CCSER1: variants seen among roughly 807,000 people sequenced by gnomAD.
CCSER1 encodes the protein serine-rich coiled-coil domain-containing protein 1.
A neutral mutation model predicts 82.0 loss-of-function variants in CCSER1; 41 were observed. The ratio of observed to expected loss-of-function variants is 0.50; its 90% confidence interval spans 0.39 to 0.65. The LOEUF is 0.65. Ranked by LOEUF, CCSER1 falls within the 30% of genes least tolerant of loss-of-function variation. CCSER1 has a pLI of 0.00. For missense variants in CCSER1, 1,119 were observed against 1,064.2 expected (o/e 1.05, Z -0.72); for synonymous variants, 414 against 383.9 (o/e 1.08, Z -0.92).
intron 6 of CCSER1, among the ~76,000 whole-genome samples, chr4:90,674,743 G>A (rs1439403092): frequency 6.6e-6 from 1 of 151,490 alleles, no homozygotes; most frequent in Non-Finnish European, 1.5e-5. Flanking sequence ...TCTCTTTCAG[G>A]CTTCTCTCCT....
chr4:90,381,031 C>T (rs1749126238), intron 3 of CCSER1, among the ~76,000 whole-genome samples: 1 of 152,154 alleles, frequency 6.6e-6, no homozygotes, highest in Non-Finnish European at 1.5e-5. Flanking sequence ...GGAGTGCTGG[C>T]CCAGCCAGTG....
At chr4:91,211,013 T>G (rs1420641242) in intron 10 of CCSER1, among the ~76,000 whole-genome samples, 1 of 152,030 alleles carries the variant, frequency 6.6e-6, no homozygotes, top group East Asian at 1.9e-4. Context: ...AGATTTTATG[T>G]AAGTTTAAGT....
intron 4 of CCSER1, among the ~76,000 whole-genome samples, chr4:90,425,036 T>G (rs1254289284): frequency 6.6e-6 from 1 of 152,216 alleles, no homozygotes. Flanking sequence ...TAACTAACTT[T>G]ATGTGATCCA....
chr4:90,896,951 A>G (rs1206957787), intron 8 of CCSER1, among the ~76,000 whole-genome samples: 1 of 152,010 alleles, frequency 6.6e-6, no homozygotes, highest in East Asian at 1.9e-4. Flanking sequence ...AATGGTACAT[A>G]ACCATTACAG....
chr4:91,022,947 C>T (rs1740139386), intron 9 of CCSER1, among the ~76,000 whole-genome samples: 1 of 152,040 alleles, frequency 6.6e-6, no homozygotes. Flanking sequence ...AAATTTTCTC[C>T]CATTCTGTAG....
chr4:90,395,353 TGC>T (rs1191995464), intron 3 of CCSER1, among the ~76,000 whole-genome samples: 56 of 152,382 alleles, frequency 3.7e-4, no homozygotes, highest in African/African-American at 1.2e-3. Context: ...AATGTATTAA[TGC>T]TAGGCATTTA....
intron 1 of CCSER1, among the ~76,000 whole-genome samples, chr4:90,261,029 G>T (rs1201123800): frequency 6.6e-6 from 1 of 152,096 alleles, no homozygotes; most frequent in Admixed American, 6.6e-5. Flanking sequence ...TGTTGGTTTT[G>T]TTAAACCCAT....
At chr4:90,853,079 A>C (rs1016385656) in intron 8 of CCSER1, among the ~76,000 whole-genome samples, 1 of 152,114 alleles carries the variant, frequency 6.6e-6, no homozygotes, top group Non-Finnish European at 1.5e-5. Flanking sequence ...ATAGTATCAA[A>C]ACAACAGCAA....
At chr4:91,570,043 C>T (rs1179200907) in intron 10 of CCSER1, among the ~76,000 whole-genome samples, 3 of 152,180 alleles carry the variant, frequency 2.0e-5, no homozygotes, top group Admixed American at 6.5e-5. Context: ...CAAAGGGACT[C>T]CAGGCCCCAT....
At chr4:90,208,363 C>T (rs2153412225) in intron 1 of CCSER1, among the ~76,000 whole-genome samples, 1 of 152,302 alleles carries the variant, frequency 6.6e-6, no homozygotes, top group Non-Finnish European at 1.5e-5. Context: ...CAACCAAGCT[C>T]AAGTGTCCCA....
chr4:91,308,410 A>G (rs575126554), intron 10 of CCSER1, among the ~76,000 whole-genome samples: 2 of 152,086 alleles, frequency 1.3e-5, no homozygotes, highest in South Asian at 2.1e-4. Context: ...GTTATAATGG[A>G]CCTCATAAAC....
intron 6 of CCSER1, among the ~76,000 whole-genome samples, chr4:90,720,169 C>T (rs1742419880): frequency 6.6e-6 from 1 of 151,750 alleles, no homozygotes. Context: ...TTTTTGAGTA[C>T]TTCCTTGCTT....
chr4:90,417,805 G>A (rs1387433074), intron 4 of CCSER1, among the ~76,000 whole-genome samples: 1 of 152,080 alleles, frequency 6.6e-6, no homozygotes, highest in African/African-American at 2.4e-5. Context: ...ATGAATAATA[G>A]TACAGCAGAG....
At chr4:90,795,891 T>C (rs1755934487) in intron 7 of CCSER1, among the ~76,000 whole-genome samples, 1 of 151,732 alleles carries the variant, frequency 6.6e-6, no homozygotes, top group Admixed American at 6.6e-5. Flanking sequence ...GCTGGATTTG[T>C]TTTGCCAGTA....
chr4:91,298,988 T>C (rs1167237361), intron 10 of CCSER1, among the ~76,000 whole-genome samples: 1 of 151,878 alleles, frequency 6.6e-6, no homozygotes, highest in African/African-American at 2.4e-5. Flanking sequence ...GAAAGGCAAA[T>C]ACTTTGGACC....
chr4:91,214,023 TG>T (rs1464761359), intron 10 of CCSER1, among the ~76,000 whole-genome samples: 139 of 152,108 alleles, frequency 9.1e-4, no homozygotes, highest in Non-Finnish European at 1.1e-3. Flanking sequence ...ACCTTATATG[TG>T]GGTTGAATAG....
At chr4:90,451,537 G>A (rs1054721828) in intron 4 of CCSER1, among the ~76,000 whole-genome samples, 3 of 152,182 alleles carry the variant, frequency 2.0e-5, no homozygotes, top group Non-Finnish European at 4.4e-5. Context: ...CTTTATCAAG[G>A]TGAAAGGCTT....
At chr4:90,136,351 A>C (rs1578140102) in intron 1 of CCSER1, among the ~76,000 whole-genome samples, 1 of 152,080 alleles carries the variant, frequency 6.6e-6, no homozygotes, top group African/African-American at 2.4e-5. Context: ...CCCTGTCTCT[A>C]AAAAAGAAAA....
chr4:90,226,842 C>T (rs1399550530), intron 1 of CCSER1, among the ~76,000 whole-genome samples: 1 of 152,178 alleles, frequency 6.6e-6, no homozygotes, highest in Non-Finnish European at 1.5e-5. Context: ...TAAGGTCATA[C>T]TTTTCCAGAT....
Sources: allele counts gnomAD v4.1 joint callset (sites outside exome capture counted in the v4.1 genomes callset), GRCh38; gene constraint gnomAD v4.1.1; transcripts MANE v1.5; gene names NCBI Gene and HGNC (gene_info 2026-07-23, HGNC 2026-07-21).